Variants in EFL1 observed in about 807,000 individuals in gnomAD.
The protein encoded by EFL1 is elongation factor like GTPase 1, also known as elongation factor-like GTPase 1.
A neutral mutation model predicts 126.7 loss-of-function variants in EFL1; 76 were observed. That is an observed-to-expected ratio of 0.60 (90% CI 0.50 to 0.73). The LOEUF (loss-of-function observed/expected upper bound fraction) is 0.73. Among genes scored for constraint, EFL1 ranks in the 30% least tolerant of loss-of-function variants. The probability of loss-of-function intolerance (pLI) is 0.00; values close to 1 mark genes in which losing one functional copy is unlikely to be tolerated. For synonymous variants in EFL1, 410 were observed against 448.4 expected (o/e 0.91, Z 1.08); for missense variants, 1,128 against 1,343.2 (o/e 0.84, Z 2.50).
intron 8 of EFL1, among the ~76,000 whole-genome samples, chr15:82,230,022 A>T (rs1321482141): frequency 6.6e-6 from 1 of 152,214 alleles, no homozygotes; most frequent in Non-Finnish European, 1.5e-5. Context: ...TTTCCCACTT[A>T]GCTATATTCA....
intron 15 of EFL1, among the ~76,000 whole-genome samples, chr15:82,192,620 G>A (rs1217231270): frequency 4.6e-5 from 7 of 152,028 alleles, no homozygotes. Context: ...CATTATTTGG[G>A]TTTCACAACA....
At chr15:82,155,498 T>G (rs2073958353) in intron 17 of EFL1, among the ~76,000 whole-genome samples, 1 of 151,954 alleles carries the variant, frequency 6.6e-6, no homozygotes, top group Non-Finnish European at 1.5e-5. Flanking sequence ...GTGCCTTTTC[T>G]CAAAAAAATA....
At chr15:82,248,182 T>C (rs2074990567) in intron 4 of EFL1, among the ~76,000 whole-genome samples, 1 of 152,106 alleles carries the variant, frequency 6.6e-6, no homozygotes, top group African/African-American at 2.4e-5. Context: ...AAGTGAACTA[T>C]CGTGTACCTA....
At chr15:82,261,634 C>A in intron 2 of EFL1, 54 bp downstream of exon 2, 1 of 1,530,076 alleles carries the variant, frequency 6.5e-7, no homozygotes, top group South Asian at 1.1e-5. Context: ...CTGAGACATA[C>A]AGAGACACAT....
At chr15:82,134,069 T>C (rs2073692759) in intron 19 of EFL1, among the ~76,000 whole-genome samples, 1 of 152,196 alleles carries the variant, frequency 6.6e-6, no homozygotes, top group Non-Finnish European at 1.5e-5. Context: ...GAACCATTTA[T>C]ACCTGGGTTC....
At chr15:82,193,076 A>G (rs1212807090) in intron 15 of EFL1, among the ~76,000 whole-genome samples, 1 of 152,254 alleles carries the variant, frequency 6.6e-6, no homozygotes, top group African/African-American at 2.4e-5. Context: ...AACCAAAATA[A>G]AAATGTGCCA....
intron 19 of EFL1, among the ~76,000 whole-genome samples, chr15:82,135,486 G>C (rs900772563): frequency 2.0e-5 from 3 of 151,962 alleles, no homozygotes; most frequent in Non-Finnish European, 4.4e-5. Context: ...CCGAAGGTGG[G>C]GGCATACTTT....
intron 17 of EFL1, among the ~76,000 whole-genome samples, chr15:82,154,621 A>C (rs2073947558): frequency 6.6e-6 from 1 of 152,224 alleles, no homozygotes; most frequent in African/African-American, 2.4e-5. Context: ...GAAACAGAAC[A>C]GTCTTAGCCC....
At chr15:82,237,564 T>C (rs1379521275) in intron 7 of EFL1, among the ~76,000 whole-genome samples, 1 of 152,208 alleles carries the variant, frequency 6.6e-6, no homozygotes, top group Non-Finnish European at 1.5e-5. Context: ...CTGGTGAGAA[T>C]ATAAAATGGT....
At chr15:82,222,359 T>C (rs566801171) in intron 12 of EFL1, among the ~76,000 whole-genome samples, 1 of 152,354 alleles carries the variant, frequency 6.6e-6, no homozygotes, top group East Asian at 1.9e-4. Context: ...CTGAAGTCTA[T>C]GCTCATTATC....
At chr15:82,252,129 T>C (rs940658098) in intron 4 of EFL1, among the ~76,000 whole-genome samples, 4 of 152,272 alleles carry the variant, frequency 2.6e-5, no homozygotes, top group Non-Finnish European at 5.9e-5. Context: ...AGTATTTCAC[T>C]GCTTGGATAT....
intron 15 of EFL1, among the ~76,000 whole-genome samples, chr15:82,173,446 A>C (rs560946045): frequency 2.0e-5 from 3 of 152,202 alleles, no homozygotes; most frequent in Non-Finnish European, 4.4e-5. Flanking sequence ...ACCAGGTATA[A>C]AGAAAGTTGT....
chr15:82,237,810 G>A (rs1218040984), intron 7 of EFL1, among the ~76,000 whole-genome samples: 1 of 150,976 alleles, frequency 6.6e-6, no homozygotes, highest in African/African-American at 2.4e-5. Flanking sequence ...TCCACACCAT[G>A]GAATACTACT....
intron 15 of EFL1, among the ~76,000 whole-genome samples, chr15:82,165,799 G>T (rs954867300): frequency 5.3e-5 from 8 of 152,144 alleles, no homozygotes; most frequent in African/African-American, 1.9e-4. Flanking sequence ...GGTATCATTA[G>T]CTCCTTTAAC....
intron 15 of EFL1, among the ~76,000 whole-genome samples, chr15:82,195,193 A>C (rs1186782466): frequency 6.6e-6 from 1 of 152,210 alleles, no homozygotes; most frequent in East Asian, 1.9e-4. Context: ...TTATCCAAAA[A>C]ACTCTGGATG....
chr15:82,132,589 T>C (rs1009650206), intron 19 of EFL1, among the ~76,000 whole-genome samples: 1 of 142,512 alleles, frequency 7.0e-6, no homozygotes, highest in South Asian at 2.2e-4. Context: ...ATAACTCTGG[T>C]GGGTGACAGC....
chr15:82,230,735 T>C, intron 8 of EFL1, 113 bp downstream of exon 8: 1 of 1,307,068 alleles, frequency 7.7e-7, no homozygotes, highest in Non-Finnish European at 1.0e-6. Flanking sequence ...AAATCCCTCA[T>C]GAACTCACCT....
intron 4 of EFL1, among the ~76,000 whole-genome samples, chr15:82,248,248 G>A (rs2074991031): frequency 6.6e-6 from 1 of 152,060 alleles, no homozygotes; most frequent in African/African-American, 2.4e-5. Context: ...TTCATTGTCT[G>A]ACGAGAACAA....
At chr15:82,172,561 A>AGATT (rs1214490916) in intron 15 of EFL1, among the ~76,000 whole-genome samples, 481 of 152,366 alleles carry the variant, frequency 3.2e-3, no homozygotes, top group African/African-American at 0.011. Flanking sequence ...AAACCTGTTC[A>AGATT]TAATAATCTG....
Sources: gnomAD v4.1 joint callset for allele counts (sites outside exome capture counted in the v4.1 genomes callset) on GRCh38, gnomAD v4.1.1 for gene constraint, MANE v1.5 for transcripts, NCBI Gene and HGNC (gene_info 2026-07-23, HGNC 2026-07-21) for gene names.